The following PUDP variants were observed in gnomAD, a reference collection of about 807,000 sequenced individuals.
PUDP encodes pseudouridine-5'-phosphatase.
Under a neutral mutation model 9.4 loss-of-function variants are expected in PUDP, and 8 were observed. The ratio of observed to expected loss-of-function variants is 0.85; its 90% confidence interval spans 0.50 to 1.53. The LOEUF is 1.53. Among genes scored for constraint, PUDP ranks in the 40% most tolerant of loss-of-function variants. The pLI is 0.00. For missense variants in PUDP, 188 were observed against 189.7 expected (o/e 0.99, Z 0.05); for synonymous variants, 99 against 80.7 (o/e 1.23, Z -1.22).
intron 3 of PUDP, among the ~76,000 whole-genome samples, chrX:6,837,993 T>C (rs1926610004): frequency 8.9e-6 from 1 of 111,754 alleles, no homozygotes; most frequent in Non-Finnish European, 1.9e-5. Context: ...AATGATGTGC[T>C]AGGTTCTCAT....
At chrX:6,845,001 A>G (rs1042786037) in intron 3 of PUDP, among the ~76,000 whole-genome samples, 77 of 112,478 alleles carry the variant, frequency 6.8e-4, no homozygotes, top group African/African-American at 2.4e-3. Flanking sequence ...TGGGCTCCCA[A>G]TGGATTTGAG....
chrX:6,773,049 T>TA (rs1310458309), intron 3 of PUDP, among the ~76,000 whole-genome samples: 1 of 112,420 alleles, frequency 8.9e-6, no homozygotes, highest in East Asian at 2.8e-4. Flanking sequence ...AATCACATCT[T>TA]AAAGTTTTTC....
intron 3 of PUDP, among the ~76,000 whole-genome samples, chrX:6,842,841 C>T (rs990804619): frequency 8.9e-6 from 1 of 112,312 alleles, no homozygotes; most frequent in Non-Finnish European, 1.9e-5. Flanking sequence ...AGTTTTTAGT[C>T]TCATTGGCTT....
intron 3 of PUDP, among the ~76,000 whole-genome samples, chrX:6,848,633 C>G (rs960454935): frequency 1.8e-5 from 2 of 111,971 alleles, no homozygotes; most frequent in Admixed American, 9.5e-5. Flanking sequence ...CCCAGTGTCC[C>G]GGAGGTGGGG....
At chrX:6,795,177 C>T (rs1872580285) in intron 3 of PUDP, among the ~76,000 whole-genome samples, 1 of 111,139 alleles carries the variant, frequency 9.0e-6, no homozygotes, top group African/African-American at 3.3e-5. Flanking sequence ...AGGGGATCTG[C>T]ATCGTATATG....
intron 1 of PUDP, among the ~76,000 whole-genome samples, chrX:7,010,975 C>A (rs1929468518): frequency 1.8e-5 from 2 of 112,364 alleles, no homozygotes; most frequent in African/African-American, 6.5e-5. Flanking sequence ...CAGTGCCAAG[C>A]CTTGGCCATT....
chrX:6,718,306 C>T (rs55930807), intron 1 of PUDP, among the ~76,000 whole-genome samples: 19,693 of 111,393 alleles, frequency 0.18, 2,785 homozygotes, highest in African/African-American at 0.48. Flanking sequence ...ATGTTCATTG[C>T]GCACTATTCA....
At chrX:7,124,522 C>G (rs1027947628) in intron 1 of PUDP, among the ~76,000 whole-genome samples, 2 of 110,921 alleles carry the variant, frequency 1.8e-5, no homozygotes, top group Admixed American at 9.6e-5. Context: ...GAAAACATTC[C>G]CCATTAGAGC....
At chrX:6,780,372 G>T (rs1386002484) in intron 3 of PUDP, among the ~76,000 whole-genome samples, 1 of 110,500 alleles carries the variant, frequency 9.0e-6, no homozygotes, top group African/African-American at 3.3e-5. Context: ...ACATGATTTA[G>T]GCTCACAGAC....
intron 1 of PUDP, among the ~76,000 whole-genome samples, chrX:7,037,131 G>A (rs779371775): frequency 9.0e-6 from 1 of 111,527 alleles, no homozygotes; most frequent in Non-Finnish European, 1.9e-5. Context: ...TTTGGGCAAA[G>A]TTCTGGGGAA....
chrX:6,780,580 A>C (rs1925543975), intron 3 of PUDP, among the ~76,000 whole-genome samples: 1 of 111,638 alleles, frequency 9.0e-6, no homozygotes, highest in Non-Finnish European at 1.9e-5. Context: ...ACAGCCAAAA[A>C]GTTGATTTGC....
At chrX:6,962,827 C>G (rs1019397688) in intron 3 of PUDP, among the ~76,000 whole-genome samples, 1 of 112,582 alleles carries the variant, frequency 8.9e-6, no homozygotes, top group East Asian at 2.8e-4. Flanking sequence ...TCTCACATCT[C>G]TCTTAATTCT....
In PUDP at chrX:6,837,507, G is replaced by A. The variant is rs148224252; in HGVS notation, c.*248-131041C>T. 8.2e-3 allele frequency among the ~76,000 whole-genome samples: 921 copies of A among 112,714 alleles called. 4 individuals carry two copies. The highest frequency in any genetic ancestry group is 0.013 in the Admixed American group (140 of 10,733). On this transcript the variant is annotated intron_variant and NMD_transcript_variant, in intron 3 of 3. Transcript: ENST00000655425. ...ATTGTGCTCATCAGCATGTGCATAC[G>A]CACACACACAAACACAAGCACACAC...
chrX:7,131,910 C>T lies in PUDP; in HGVS notation c.61+16143G>A, dbSNP rs1262039533. ...TGAAATACCCTCAGCCCTTCCTCCT[C>T]CACCTCAGTGACTCCCCAACCCTTC... On this transcript the variant is annotated intron_variant, in intron 1 of 3. Transcript: ENST00000381077. Among the ~76,000 whole-genome samples, 3 of 109,561 alleles carry T rather than the reference C, an allele frequency of 2.7e-5. No homozygotes were observed. In the Admixed American group the frequency reaches 3.0e-4, roughly 11 times the overall value.
intron 1 of PUDP, among the ~76,000 whole-genome samples, chrX:6,993,371 ATAACAAAATG>A (rs1269471152): frequency 8.9e-6 from 1 of 112,103 alleles, no homozygotes; most frequent in East Asian, 2.8e-4. Flanking sequence ...TTACAGAAAG[ATAACAAAATG>A]TAACGAAATG....
chrX:6,971,424 T>A (rs1218673931), intron 3 of PUDP, among the ~76,000 whole-genome samples: 1 of 106,860 alleles, frequency 9.4e-6, no homozygotes, highest in African/African-American at 3.4e-5. Context: ...TTCTTTTCTT[T>A]TTTTTTTTTT....
At chrX:6,913,431 A>G (rs998926751) in intron 3 of PUDP, among the ~76,000 whole-genome samples, 2 of 112,191 alleles carry the variant, frequency 1.8e-5, no homozygotes, top group Non-Finnish European at 3.8e-5. Flanking sequence ...AATGTTGAAG[A>G]ACCTTTTTTG....
chrX:7,147,165 C>A (rs1290912037), intron 1 of PUDP, among the ~76,000 whole-genome samples: 7 of 110,830 alleles, frequency 6.3e-5, no homozygotes, highest in African/African-American at 2.3e-4. Flanking sequence ...TTTCTTAATG[C>A]CTCGGATTGA....
At chrX:7,101,206 C>G (rs1931721991) in intron 2 of PUDP, among the ~76,000 whole-genome samples, 1 of 111,378 alleles carries the variant, frequency 9.0e-6, no homozygotes, top group Non-Finnish European at 1.9e-5. Flanking sequence ...AACTGAGCGG[C>G]TAGTAAAAGT....
Sources: allele counts gnomAD v4.1 joint callset (sites outside exome capture counted in the v4.1 genomes callset), GRCh38; gene constraint gnomAD v4.1.1; transcripts MANE v1.5; gene names NCBI Gene and HGNC (gene_info 2026-07-23, HGNC 2026-07-21).